Variants in CBLN2 observed in about 807,000 individuals in gnomAD.
CBLN2 encodes cerebellin 2 precursor.
In CBLN2, 7 loss-of-function variants were observed where a neutral mutation model predicts 15.0. That is an observed-to-expected ratio of 0.47 (90% confidence interval 0.27 to 0.88). The LOEUF (loss-of-function observed/expected upper bound fraction) is 0.88, where lower values mean the gene tolerates loss of function less well. Ranked by LOEUF, CBLN2 falls within the 40% of genes least tolerant of loss-of-function variation. The probability of loss-of-function intolerance (pLI) is 0.14; values close to 1 mark genes in which losing one functional copy is unlikely to be tolerated. For synonymous variants in CBLN2, 149 were observed against 135.2 expected (o/e 1.10, Z -0.71); for missense variants, 242 against 304.5 (o/e 0.79, Z 1.53).
upstream of CBLN2, among the ~76,000 whole-genome samples, chr18:72,547,723 G>A (rs1335707007): frequency 6.6e-6 from 1 of 151,976 alleles, no homozygotes; most frequent in Non-Finnish European, 1.5e-5. Context: ...GAAAAAACTT[G>A]TGCTTTTGTA....
At chr18:72,553,808 G>C (rs1365309153) in intron 1 of CBLN2, among the ~76,000 whole-genome samples, 1 of 152,134 alleles carries the variant, frequency 6.6e-6, no homozygotes, top group African/African-American at 2.4e-5. Context: ...ACATTATAGA[G>C]TGACAAAAAT....
chr18:72,574,527 C>T (rs2069352513), intron 1 of CBLN2, among the ~76,000 whole-genome samples: 1 of 152,034 alleles, frequency 6.6e-6, no homozygotes, highest in Admixed American at 6.5e-5. Context: ...GAAGGATATC[C>T]TTGTGTATGT....
chr18:72,554,611 T>C (rs915819633), intron 1 of CBLN2, among the ~76,000 whole-genome samples: 2 of 151,852 alleles, frequency 1.3e-5, no homozygotes, highest in Non-Finnish European at 2.9e-5. Context: ...TATTAAATAA[T>C]TGTTCTAAAT....
chr18:72,638,514 T>C, exon 1 of CBLN2: 3 of 394,910 alleles, frequency 7.6e-6, no homozygotes, highest in Non-Finnish European at 1.3e-5. Context: ...ACATTTATGC[T>C]TATGACTAAA....
chr18:72,597,628 G>T (rs2069521628), intron 1 of CBLN2, among the ~76,000 whole-genome samples: 1 of 152,176 alleles, frequency 6.6e-6, no homozygotes, highest in Non-Finnish European at 1.5e-5. Context: ...TCTCTTCAGG[G>T]AGACAAGTTC....
At chr18:72,616,535 C>T (rs1415537973) in intron 1 of CBLN2, among the ~76,000 whole-genome samples, 1 of 152,128 alleles carries the variant, frequency 6.6e-6, no homozygotes, top group African/African-American at 2.4e-5. Context: ...TGGACTCTTG[C>T]CCACTGGTAG....
intron 1 of CBLN2, among the ~76,000 whole-genome samples, chr18:72,607,362 G>C (rs149413355): frequency 1.1e-3 from 168 of 152,226 alleles, no homozygotes; most frequent in Non-Finnish European, 1.7e-3. Context: ...AGGCATATCC[G>C]CCCCACTTGG....
chr18:72,540,937 C>A (rs948962725), intron 3 of CBLN2, among the ~76,000 whole-genome samples: 3 of 152,172 alleles, frequency 2.0e-5, no homozygotes, highest in Non-Finnish European at 4.4e-5. Flanking sequence ...AGCTTGGAAA[C>A]CTCTATAATG....
chr18:72,609,294 T>G (rs953235834), intron 1 of CBLN2, among the ~76,000 whole-genome samples: 1 of 152,118 alleles, frequency 6.6e-6, no homozygotes, highest in African/African-American at 2.4e-5. Flanking sequence ...TAATTATAAA[T>G]AGGGTCTTTA....
rs113349213 is a variant in CBLN2, at chr18:72,565,656, A to G, written c.16-26884T>C. Among the ~76,000 whole-genome samples, 14 of 152,282 alleles carry G rather than the reference A, an allele frequency of 9.2e-5. 1 individual carries two copies. The South Asian group carries it at 1.2e-3, about 14-fold the overall frequency. ...CAGTAGTTACACAAATAAGAAAGAG[A>G]AGGGAATCAAAGCTTACTGCTACAG... is the stretch of plus-strand genomic sequence containing the variant. On this transcript the variant is annotated intron_variant, in intron 1 of 2. Transcript: ENST00000581073.
chr18:72,565,296 C>T (rs968565555), intron 1 of CBLN2, among the ~76,000 whole-genome samples: 3 of 151,788 alleles, frequency 2.0e-5, no homozygotes, highest in African/African-American at 4.8e-5. Context: ...GTAGTACTAC[C>T]ATTACAGTAT....
chr18:72,593,111 C>T (rs1348940145), intron 1 of CBLN2, among the ~76,000 whole-genome samples: 2 of 152,086 alleles, frequency 1.3e-5, no homozygotes, highest in Non-Finnish European at 2.9e-5. Flanking sequence ...TTGATTATTG[C>T]AATTCACGAA....
At chr18:72,615,749 T>G (rs180928302) in intron 1 of CBLN2, among the ~76,000 whole-genome samples, 1 of 152,312 alleles carries the variant, frequency 6.6e-6, no homozygotes, top group East Asian at 1.9e-4. Flanking sequence ...ACTTATTTCA[T>G]GACGTCAAGA....
Position 72,538,190 on chromosome 18 carries a change from C to G in CBLN2, c.661G>C (p.Val221Leu), listed in dbSNP as rs1217445210. 1 of 1,613,996 alleles carries G rather than the reference C, an allele frequency of 6.2e-7. No homozygotes were observed. Among genetic ancestry groups the G allele is most frequent in the East Asian group, 2.2e-5 (1 of 44,876 alleles). The change falls in exon 5 of 5, where the codon GTG becomes CTG. Residue 221 changes from valine to leucine, a missense_variant. Val to Leu is a conservative substitution (Grantham distance 32, BLOSUM62 1). This residue lies in a region of CBLN2 where 31 missense variants were observed against 36.3 expected (regional missense o/e 0.86). Transcript: ENST00000269503. ...WKYSTFSGFL[V>L]FPL is the part of the protein sequence containing the mutation. ...GGGCTCTGTGTTTATAGAGGAAACA[C>G]CAAGAAGCCCGAGAATGTGGAGTAT... is the stretch of plus-strand genomic sequence containing the variant.
At position 72,539,899 on chromosome 18, in the gene CBLN2, A is replaced by G. The variant is rs1433312703; in HGVS notation, c.358-1127T>C. ...AATGGGAATACAAACTTCAACTGGAATACCTTTGCTGTTATTTCTTACACA... is the reference window on the plus strand; with the variant it reads ...AATGGGAATACAAACTTCAACTGGAGTACCTTTGCTGTTATTTCTTACACA... On this transcript the variant is annotated intron_variant, in intron 3 of 4. Coordinates refer to ENST00000269503, the MANE Select transcript of CBLN2 (RefSeq NM_182511.4). 2.6e-5 allele frequency: 4 copies of G among 152,354 alleles called. No individual in the cohort carries two copies. In the East Asian group the frequency reaches 7.7e-4, roughly 29 times the overall value. The allele number at this position is 152,354 out of a possible 1,614,324, so 9.4% of individuals were successfully genotyped here.
At chr18:72,582,373 A>G (rs1301951540) in intron 1 of CBLN2, among the ~76,000 whole-genome samples, 1 of 152,198 alleles carries the variant, frequency 6.6e-6, no homozygotes, top group Admixed American at 6.5e-5. Context: ...GTAGGAAGAT[A>G]ACATCTTTTA....
intron 1 of CBLN2, among the ~76,000 whole-genome samples, chr18:72,585,794 C>A (rs1431282365): frequency 1.3e-5 from 2 of 152,198 alleles, no homozygotes; most frequent in Admixed American, 6.5e-5. Flanking sequence ...CCCTCAGTAC[C>A]CCCTTGGCCT....
chr18:72,569,290 A>T (rs1478091198), intron 1 of CBLN2, among the ~76,000 whole-genome samples: 1 of 149,456 alleles, frequency 6.7e-6, no homozygotes, highest in Non-Finnish European at 1.5e-5. Context: ...TAATATAGAC[A>T]TCATTTTAAG....
At chr18:72,579,056 A>C (rs1294199647) in intron 1 of CBLN2, among the ~76,000 whole-genome samples, 3 of 152,186 alleles carry the variant, frequency 2.0e-5, no homozygotes, top group Non-Finnish European at 4.4e-5. Context: ...CTCAATATCT[A>C]ATGCACTGTG....
Sources: gnomAD v4.1 joint callset for allele counts (sites outside exome capture counted in the v4.1 genomes callset) on GRCh38, gnomAD v4.1.1 for gene constraint, gnomAD v4.1.1 regional missense constraint, MANE v1.5 for transcripts, NCBI Gene and HGNC (gene_info 2026-07-23, HGNC 2026-07-21) for gene names.